The following POMT1 variants were observed in gnomAD, a reference collection of about 807,000 sequenced individuals.
POMT1 encodes protein O-mannosyltransferase 1, also known as protein O-mannosyl-transferase 1.
In POMT1, 85 loss-of-function variants were observed where a neutral mutation model predicts 101.6. That is an observed-to-expected ratio of 0.84 (90% CI 0.70 to 1.00). POMT1 has a LOEUF of 1.00. Among genes scored for constraint, POMT1 ranks in the 50% least tolerant of loss-of-function variants. The probability of loss-of-function intolerance (pLI) is 0.00; values close to 1 mark genes in which losing one functional copy is unlikely to be tolerated. For synonymous variants in POMT1, 371 were observed against 383.0 expected (o/e 0.97, Z 0.37); for missense variants, 857 against 930.4 (o/e 0.92, Z 1.03).
rs1282959384 is a variant in POMT1 at position 131,515,819 on chromosome 9, TCTAA to T, written c.1272+299_1272+302del. Reference sequence around the variant, plus strand: ...ACACTTCCTCACACGGAGCACTTCCTCTAACACAGGACACTTCCTCACACGGAGC... The same window carrying T: ...ACACTTCCTCACACGGAGCACTTCCTCACAGGACACTTCCTCACACGGAGC... On this transcript the variant is annotated intron_variant, in intron 13 of 19. Transcript: ENST00000402686. Among the ~76,000 whole-genome samples, 14 of 126,606 alleles carry T rather than the reference TCTAA, an allele frequency of 1.1e-4. 1 individual carries two copies. Among genetic ancestry groups the T allele is most frequent in the African/African-American group, 3.7e-4 (13 of 35,122 alleles). 83.1% of individuals were successfully genotyped at this position (126,606 alleles called of 152,430 possible).
Position 131,522,390 on chromosome 9 carries a change from T to C in POMT1, c.2003+166T>C. 7.3e-7 allele frequency: 1 copy of C among 1,377,508 alleles called. No individual in the cohort carries two copies. Among genetic ancestry groups the C allele is most frequent in the Middle Eastern group, 2.4e-4 (1 of 4,150 alleles). The allele number at this position is 1,377,508 out of a possible 1,614,324, so 85.3% of individuals were successfully genotyped here. A position where few individuals can be genotyped will look rare whatever the true frequency, so the allele number is the denominator to read the frequency against. On this transcript the variant is annotated intron_variant, in intron 19 of 19. Transcript: ENST00000402686. This position sits in a 1 kb window ranked among gnomAD's most constrained non-coding sequence, Gnocchi z 5.5. Reference sequence around the variant, plus strand: ...GTGAGGTTCAGAAGAGATGCCCAGATGAGGCACTGCAGGAACCCAGAGGGA... The same window carrying C: ...GTGAGGTTCAGAAGAGATGCCCAGACGAGGCACTGCAGGAACCCAGAGGGA...
Position 131,519,005 on chromosome 9 carries a change from T to C in POMT1, c.1486+48T>C. On this transcript the variant is annotated intron_variant, in intron 15 of 19. Coordinates refer to ENST00000402686, the MANE Select transcript of POMT1 (RefSeq NM_001077365.2). The surrounding 1 kb of genome is among the most constrained non-coding windows in gnomAD (Gnocchi z 4.3). The stretch of plus-strand genomic sequence containing the variant: ...GCCGCTCCTGGAATGTACTTTCAGC[T>C]GCTCAATATTTGATAACACCCCAGA... 3 of 1,610,806 alleles carry C rather than the reference T, an allele frequency of 1.9e-6. No homozygotes were observed. Among genetic ancestry groups the C allele is most frequent in the East Asian group, 2.2e-5 (1 of 44,880 alleles).
At chr9:131,520,290 G>T in intron 17 of POMT1, 97 bp downstream of exon 17, 1 of 1,112,800 alleles carries the variant, frequency 9.0e-7, no homozygotes. Context: ...AGAAAGTGCT[G>T]GGTTTCTCCC....
intron 11 of POMT1, 84 bp from the exon 12 acceptor site, chr9:131,513,155 A>AATTC (rs1173835115): frequency 1.4e-5 from 17 of 1,174,868 alleles, no homozygotes; most frequent in Non-Finnish European, 2.1e-5. Context: ...CAGCCATGAG[A>AATTC]ATTCAGAGCT....
Position 131,523,760 on chromosome 9 carries a change from T to TTGTC in POMT1, c.*656_*659dup, listed in dbSNP as rs1464442396. The TTGTC allele has an allele frequency of 2.0e-5, 3 of 153,100 alleles. No homozygotes were observed. The highest frequency in any genetic ancestry group is 3.8e-4 in the East Asian group (2 of 5,204). The allele number at this position is 153,100 out of a possible 1,614,324, so 9.5% of individuals were successfully genotyped here. A position where few individuals can be genotyped will look rare whatever the true frequency, so the allele number is the denominator to read the frequency against. The stretch of plus-strand genomic sequence containing the variant: ...GTGTCATCCATACAGCTCCATGCCT[T>TTGTC]TGTCTTTTTTAAATGTAATTAAAAA... On this transcript the variant is annotated 3_prime_UTR_variant, in exon 20 of 20. Coordinates refer to ENST00000402686, the MANE Select transcript of POMT1 (RefSeq NM_001077365.2).
At chr9:131,517,678 C>A (rs984883326) in intron 13 of POMT1, among the ~76,000 whole-genome samples, 1 of 152,238 alleles carries the variant, frequency 6.6e-6, no homozygotes, top group Non-Finnish European at 1.5e-5. Flanking sequence ...CCCGCCCCCC[C>A]ACAGTCCTTC....
Position 131,513,227 on chromosome 9 carries a change from T to C in POMT1, c.1083-12T>C. 2 of 1,611,632 alleles carry C rather than the reference T, an allele frequency of 1.2e-6. No individual in the cohort carries two copies. The highest frequency in any genetic ancestry group is 1.7e-6 in the Non-Finnish European group (2 of 1,178,760). ...AGGCTCTGTGTGGTCCCGACAGCAC[T>C]GTGTCTTCCAGGCACCAGCTGGTGG... On this transcript the variant is annotated splice_polypyrimidine_tract_variant and intron_variant, in intron 11 of 19. Transcript: ENST00000402686.
Position 131,510,284 on chromosome 9 carries a change from G to C in POMT1, c.724G>C (p.Ala242Pro). The part of the protein sequence containing the change: ...SNVCVFCHLL[A>P]RAVALLVIPV... ...GGTCTGTGTGTTCTGTCACTTGCTC[G>C]CCCGAGCAGTGGCTTTGCTGGTCAT... The change falls in exon 9 of 20, where the codon GCC (alanine) becomes CCC (proline). Residue 242 changes from alanine (A) to proline (P), a missense_variant. By Grantham distance (27) the Ala-to-Pro change is conservative. Coordinates refer to ENST00000402686, the MANE Select transcript of POMT1 (RefSeq NM_001077365.2). 1.2e-6 allele frequency: 2 copies of C among 1,614,168 alleles called. No individual in the cohort carries two copies. Among genetic ancestry groups the C allele is most frequent in the Non-Finnish European group, 1.7e-6 (2 of 1,180,024 alleles).
Position 131,518,944 on chromosome 9 carries a change from C to T in POMT1, c.1473C>T (p.His491=), listed in dbSNP as rs770742841. The T allele has an allele frequency of 1.2e-6, 2 of 1,613,642 alleles. No homozygotes were observed. Among genetic ancestry groups the T allele is most frequent in the East Asian group, 2.2e-5 (1 of 44,888 alleles). The change falls in exon 15 of 20, where the codon CAC becomes CAT. Residue 491 remains histidine (H), a synonymous_variant. Coordinates refer to ENST00000402686, the MANE Select transcript of POMT1 (RefSeq NM_001077365.2). The part of the protein sequence containing the change: ...HGSTVWNVEE[H]RYGASQEQRE... ...GCACGGTGTGGAACGTGGAGGAGCA[C>T]CGATACGGCGCGAGTGAGTCCGCGG...
At chr9:131,506,303 A>C (rs1292651072) in intron 3 of POMT1, 83 bp downstream of exon 3, 2 of 1,568,380 alleles carry the variant, frequency 1.3e-6, no homozygotes, top group East Asian at 4.5e-5. Context: ...TTACAGGCAG[A>C]AACCAGGTCT....
chr9:131,507,566 C>T (rs1207865069), intron 5 of POMT1, 52 bp downstream of exon 5: 2 of 1,610,402 alleles, frequency 1.2e-6, no homozygotes. Context: ...AAGAACTGAC[C>T]CTTTGGCCCG....
chr9:131,510,616 A>C (rs1946913298), intron 9 of POMT1: 2 of 696,626 alleles, frequency 2.9e-6, no homozygotes, highest in Non-Finnish European at 4.8e-6. Context: ...CGATTCTCCT[A>C]CCTCAGCCTC....
intron 8 of POMT1, 74 bp from the exon 9 acceptor site, chr9:131,510,186 T>A: frequency 6.2e-7 from 1 of 1,610,742 alleles, no homozygotes; most frequent in Non-Finnish European, 8.5e-7. Flanking sequence ...TAACTTTTTC[T>A]AAGCTCACAA....
chr9:131,510,551 G>A, intron 9 of POMT1, 136 bp downstream of exon 9: 1 of 1,224,922 alleles, frequency 8.2e-7, no homozygotes, highest in Non-Finnish European at 1.2e-6. Context: ...TTCTTTTTTT[G>A]GTGGGGGGGA....
chr9:131,505,243 C>T (rs894851870), intron 2 of POMT1, among the ~76,000 whole-genome samples: 4 of 151,662 alleles, frequency 2.6e-5, no homozygotes, highest in Non-Finnish European at 5.9e-5. Context: ...TTTTACTTTG[C>T]AGCAAATCCT....
Position 131,518,551 on chromosome 9 carries a change from C to A in POMT1, c.1365+14C>A. The A allele has an allele frequency of 6.2e-7, 1 of 1,608,802 alleles. No homozygotes were observed. Among genetic ancestry groups the A allele is most frequent in the South Asian group, 1.1e-5 (1 of 90,950 alleles). On this transcript the variant is annotated intron_variant, in intron 14 of 19. Coordinates refer to ENST00000402686, the MANE Select transcript of POMT1 (RefSeq NM_001077365.2). ...GCTGTCTTAAAGGTAAGGACACTGT[C>A]CGTGGCTTGGCCTGTCCTGAGCTGT...
chr9:131,503,008 A>C lies in POMT1; in HGVS notation c.-96A>C, dbSNP rs1255488288. On this transcript the variant is annotated 5_prime_UTR_variant, in exon 1 of 20. Coordinates refer to ENST00000402686, the MANE Select transcript of POMT1 (RefSeq NM_001077365.2). The surrounding 1 kb of genome is among the most constrained non-coding windows in gnomAD (Gnocchi z 4.4). ...CGGCCTCACCCCCAACCGTCGGCCC[A>C]GTCGGACGGTTCCGAGGCGTTGCCG... 1 of 152,276 alleles carries C rather than the reference A, an allele frequency of 6.6e-6. No individual in the cohort carries two copies. The highest frequency in any genetic ancestry group is 1.5e-5 in the Non-Finnish European group (1 of 68,090). The allele number at this position is 152,276 out of a possible 1,614,324, so 9.4% of individuals were successfully genotyped here.
intron 4 of POMT1, chr9:131,506,889 A>G (rs1021694322): frequency 1.0e-4 from 25 of 242,246 alleles, no homozygotes; most frequent in Non-Finnish European, 1.6e-4. Context: ...TAACATGGTG[A>G]AACCCCGTCT....
chr9:131,522,803 C>T lies in POMT1; in HGVS notation c.2004-129C>T. Reference sequence around the variant, plus strand: ...TGGTCATGGGTGGCAGGAGACAAGACACAGAAACCTGAAGGCAGAACCCCA... The same window carrying T: ...TGGTCATGGGTGGCAGGAGACAAGATACAGAAACCTGAAGGCAGAACCCCA... On this transcript the variant is annotated intron_variant, in intron 19 of 19. Transcript: ENST00000402686. The surrounding 1 kb of genome is among the most constrained non-coding windows in gnomAD (Gnocchi z 5.5). 1 of 1,036,364 alleles carries T rather than the reference C, an allele frequency of 9.6e-7. No homozygotes were observed. Among genetic ancestry groups the T allele is most frequent in the Non-Finnish European group, 1.4e-6 (1 of 696,030 alleles). The allele number at this position is 1,036,364 out of a possible 1,614,324, so 64.2% of individuals were successfully genotyped here. A position where few individuals can be genotyped will look rare whatever the true frequency, so the allele number is the denominator to read the frequency against.
Sources: gnomAD v4.1 joint callset for allele counts (sites outside exome capture counted in the v4.1 genomes callset) on GRCh38, gnomAD v4.1.1 for gene constraint, Gnocchi (gnomAD v3.1) non-coding constraint, MANE v1.5 for transcripts, NCBI Gene and HGNC (gene_info 2026-07-23, HGNC 2026-07-21) for gene names.